TTBK1: variants seen among roughly 807,000 people sequenced by gnomAD.
The protein encoded by TTBK1 is tau-tubulin kinase 1.
Under a neutral mutation model 108.5 loss-of-function variants are expected in TTBK1, and 34 were observed. That is an observed-to-expected ratio of 0.31 (90% CI 0.24 to 0.42). The LOEUF (loss-of-function observed/expected upper bound fraction) is 0.42, where lower values mean the gene tolerates loss of function less well. Among genes scored for constraint, TTBK1 ranks in the 10% least tolerant of loss-of-function variants. The probability of loss-of-function intolerance (pLI) is 1.00; values close to 1 mark genes in which losing one functional copy is unlikely to be tolerated. For synonymous variants in TTBK1, 809 were observed against 795.1 expected, an observed-to-expected ratio of 1.02 and a Z score of -0.29; for missense variants, 1,539 against 1,826.0, an observed-to-expected ratio of 0.84 and a Z score of 2.86.
intron 13 of TTBK1, among the ~76,000 whole-genome samples, chr6:43,264,345 T>TGCACTCCAGCCTGGGTGACA (rs1777623149): frequency 6.6e-6 from 1 of 152,142 alleles, no homozygotes; most frequent in Non-Finnish European, 1.5e-5. Flanking sequence ...ACTGTGCCAT[T>TGCACTCCAGCCTGGGTGACA]GCACTCCAGC....
At chr6:43,284,944 T>C in intron 14 of TTBK1, 39 bp from the exon 15 acceptor site, 2 of 1,494,598 alleles carry the variant, frequency 1.3e-6, no homozygotes, top group Non-Finnish European at 1.8e-6. Context: ...TTTTGTTTCT[T>C]TGCCCTCTTC....
intron 13 of TTBK1, among the ~76,000 whole-genome samples, chr6:43,275,284 C>G (rs58537733): frequency 6.6e-6 from 1 of 151,672 alleles, no homozygotes; most frequent in African/African-American, 2.4e-5. Flanking sequence ...CCCTGCACCC[C>G]CCGCCGGACT....
At position 43,257,748 on chromosome 6, in the gene TTBK1, C is replaced by T; in HGVS notation, c.862-64C>T. The stretch of plus-strand genomic sequence containing the variant: ...CTTCCTCCTATGATCCCAGCAACTG[C>T]CCCTTCCTCCTGGCTAGCCCCCGGA... On this transcript the variant is annotated intron_variant, in intron 9 of 14. Transcript: ENST00000259750. The surrounding 1 kb of genome is among the most constrained non-coding windows in gnomAD (Gnocchi z 4.5). The T allele has an allele frequency of 6.5e-7, 1 of 1,540,274 alleles. No individual in the cohort carries two copies. Among genetic ancestry groups the T allele is most frequent in the Non-Finnish European group, 8.8e-7 (1 of 1,131,118 alleles).
Position 43,285,195 on chromosome 6 carries a change from C to G in TTBK1, c.3785C>G (p.Pro1262Arg), listed in dbSNP as rs574746821. Reference sequence around the variant, plus strand: ...CTGTCCCGCAGAGAGAGCCCCTCCCCCTCGCACCAGGCCCGGCCCGGGGTC... The same window carrying G: ...CTGTCCCGCAGAGAGAGCCCCTCCCGCTCGCACCAGGCCCGGCCCGGGGTC... ...QSLSRRESPS[P>R]SHQARPGVPP... The change falls in exon 15 of 15, where the codon CCC (proline) becomes CGC (arginine). Residue 1262 changes from proline to arginine, a missense_variant. Pro to Arg is a moderately radical substitution (Grantham distance 103). Transcript: ENST00000259750. This position sits in a 1 kb window ranked among gnomAD's most constrained non-coding sequence, Gnocchi z 4.7. 5.7e-3 allele frequency: 7,697 copies of G among 1,358,898 alleles called. 34 individuals are homozygous for G. The highest frequency in any genetic ancestry group is 6.7e-3 in the Non-Finnish European group (7,086 of 1,061,612). 84.2% of individuals were successfully genotyped at this position (1,358,898 alleles called of 1,614,324 possible).
At chr6:43,270,205 G>T (rs866329083) in intron 13 of TTBK1, 41 of 1,319,350 alleles carry the variant, frequency 3.1e-5, no homozygotes, top group South Asian at 6.5e-5. Flanking sequence ...TGGGGCTGGT[G>T]GTACAGTTTC....
intron 2 of TTBK1, among the ~76,000 whole-genome samples, chr6:43,248,579 C>A (rs534332695): frequency 6.6e-6 from 1 of 152,088 alleles, no homozygotes; most frequent in Admixed American, 6.6e-5. Context: ...AAAAATTAGC[C>A]GGGTGTGGCA....
rs190849642 is a variant in TTBK1, at chr6:43,276,184, T to C, written c.1987-6543T>C. ...GTCCTTCCCTCGACCCCCCATTTTGTACTGCAATAATACTGTATTATACGC... is the reference window on the plus strand; with the variant it reads ...GTCCTTCCCTCGACCCCCCATTTTGCACTGCAATAATACTGTATTATACGC... On this transcript the variant is annotated intron_variant, in intron 13 of 14. Coordinates refer to ENST00000259750, the MANE Select transcript of TTBK1 (RefSeq NM_032538.3). The surrounding 1 kb of genome is among the most constrained non-coding windows in gnomAD (Gnocchi z 5.4). 1.3e-5 allele frequency among the ~76,000 whole-genome samples: 2 copies of C among 152,286 alleles called. No individual in the cohort carries two copies. The highest frequency in any genetic ancestry group is 2.4e-5 in the African/African-American group (1 of 41,554).
rs1483563023 is a variant in TTBK1, at chr6:43,282,882, G to A, written c.2142G>A (p.Leu714=). ...GGAGGGTGGGCTTCTCGCACATGCT[G>A]CTCACCACCCCCCAGGTCCCACTGG... ...RVRRVGFSHM[L]LTTPQVPLAP... The change falls in exon 14 of 15, where the codon CTG becomes CTA. Residue 714 remains leucine (L), a synonymous_variant. Transcript: ENST00000259750. This position sits in a 1 kb window ranked among gnomAD's most constrained non-coding sequence, Gnocchi z 5.4. 1 of 1,614,026 alleles carries A rather than the reference G, an allele frequency of 6.2e-7. No individual in the cohort carries two copies. Among genetic ancestry groups the A allele is most frequent in the Non-Finnish European group, 8.5e-7 (1 of 1,179,982 alleles).
chr6:43,282,808 A>C lies in TTBK1; in HGVS notation c.2068A>C (p.Arg690=). The C allele has an allele frequency of 1.9e-6, 3 of 1,614,010 alleles. No homozygotes were observed. Among genetic ancestry groups the C allele is most frequent in the Non-Finnish European group, 8.5e-7 (1 of 1,179,970 alleles). ...PLSLPYQDFK[R]DLSDYRERAR... ...GAGTCTGCCCTACCAGGACTTCAAA[A>C]GAGACCTCTCCGATTACCGAGAACG... is the stretch of plus-strand genomic sequence containing the variant. The change falls in exon 14 of 15, where the codon AGA becomes CGA. Residue 690 remains arginine (R), a synonymous_variant. Transcript: ENST00000259750. This position sits in a 1 kb window ranked among gnomAD's most constrained non-coding sequence, Gnocchi z 5.4.
chr6:43,269,434 A>AG lies in TTBK1; in HGVS notation c.1986+6089dup, dbSNP rs1345552012. Reference sequence around the variant, plus strand: ...GTGAGAAGTTCCAGAGAGAAGGAGGAGGGGGAAGGGCGTTGGAGGCCAGAG... The same window carrying AG: ...GTGAGAAGTTCCAGAGAGAAGGAGGAGGGGGGAAGGGCGTTGGAGGCCAGAG... On this transcript the variant is annotated intron_variant, in intron 13 of 14. Transcript: ENST00000259750. This position sits in a 1 kb window ranked among gnomAD's most constrained non-coding sequence, Gnocchi z 4.8. Among the ~76,000 whole-genome samples the AG allele has an allele frequency of 6.6e-6, 1 of 152,110 alleles. No individual in the cohort carries two copies. Among genetic ancestry groups the AG allele is most frequent in the Non-Finnish European group, 1.5e-5 (1 of 68,016 alleles).
Position 43,266,041 on chromosome 6 carries a change from G to A in TTBK1, c.1986+2691G>A, listed in dbSNP as rs544692012. Among the ~76,000 whole-genome samples the A allele has an allele frequency of 3.3e-5, 5 of 152,278 alleles. No homozygotes were observed. In the South Asian group the frequency reaches 1.0e-3, roughly 32 times the overall value. On this transcript the variant is annotated intron_variant, in intron 13 of 14. Coordinates refer to ENST00000259750, the MANE Select transcript of TTBK1 (RefSeq NM_032538.3). ...ATTCTGTAATCAGTCTCGGGCTCGG[G>A]TCCTGCTTGTGACAGGGACTGGCAC...
intron 12 of TTBK1, among the ~76,000 whole-genome samples, chr6:43,261,390 G>A (rs1163251541): frequency 6.6e-6 from 1 of 152,148 alleles, no homozygotes; most frequent in Non-Finnish European, 1.5e-5. Flanking sequence ...GCATTTGAGA[G>A]AGGGCGATTC....
chr6:43,285,228 C>T lies in TTBK1; in HGVS notation c.3818C>T (p.Pro1273Leu). The change falls in exon 15 of 15, where the codon CCC (proline) becomes CTC (leucine). Residue 1273 changes from proline to leucine, a missense_variant. Pro to Leu is a moderately conservative substitution (Grantham distance 98). Transcript: ENST00000259750. This position sits in a 1 kb window ranked among gnomAD's most constrained non-coding sequence, Gnocchi z 4.7. ...CAGGCCCGGCCCGGGGTCCCCCCGC[C>T]CCGGGGCGTCCCGCCGGCCCGGGCC... is the stretch of plus-strand genomic sequence containing the variant. ...SHQARPGVPP[P>L]RGVPPARAQP... The T allele has an allele frequency of 3.1e-6, 4 of 1,303,270 alleles. No individual in the cohort carries two copies. The highest frequency in any genetic ancestry group is 3.9e-6 in the Non-Finnish European group (4 of 1,029,316). The allele number at this position is 1,303,270 out of a possible 1,614,324, so 80.7% of individuals were successfully genotyped here.
At position 43,269,089 on chromosome 6, in the gene TTBK1, C is replaced by T. The variant is rs1423772117; in HGVS notation, c.1986+5739C>T. Among the ~76,000 whole-genome samples the T allele has an allele frequency of 6.6e-6, 1 of 152,162 alleles. No individual in the cohort carries two copies. Among genetic ancestry groups the T allele is most frequent in the Admixed American group, 6.5e-5 (1 of 15,276 alleles). On this transcript the variant is annotated intron_variant, in intron 13 of 14. Transcript: ENST00000259750. This position sits in a 1 kb window ranked among gnomAD's most constrained non-coding sequence, Gnocchi z 4.8. ...AAGTGGTGGAGTTGGGATTCAAACA[C>T]GAGTAATTGGGCTCTAGAGTACCAC...
chr6:43,258,517 G>C (rs12202445), intron 10 of TTBK1, among the ~76,000 whole-genome samples: 36,857 of 151,870 alleles, frequency 0.24, 4,675 homozygotes, highest in East Asian at 0.36. Flanking sequence ...CTTAACAGGA[G>C]TTGGTAGCAC....
chr6:43,248,735 T>C (rs1777163561), intron 2 of TTBK1, among the ~76,000 whole-genome samples: 1 of 151,916 alleles, frequency 6.6e-6, no homozygotes, highest in African/African-American at 2.4e-5. Flanking sequence ...AATAAATAAA[T>C]AAATCCTCAA....
Position 43,262,876 on chromosome 6 carries a change from T to C in TTBK1, c.1512T>C (p.Ala504=), listed in dbSNP as rs559687853. 1 of 1,613,158 alleles carries C rather than the reference T, an allele frequency of 6.2e-7. No homozygotes were observed. Among genetic ancestry groups the C allele is most frequent in the South Asian group, 1.1e-5 (1 of 90,950 alleles). ...AQMLSVDTGH[A]DRQASGRMDV... ...TGCTGTCAGTGGACACAGGCCACGC[T>C]GACCGACAGGCCAGTGGCCGCATGG... Residue 504 remains alanine (A), a synonymous_variant, in exon 13 of 15, where the codon GCT becomes GCC. Transcript: ENST00000259750.
chr6:43,246,781 C>A lies in TTBK1; in HGVS notation c.108+13C>A. 1 of 1,599,130 alleles carries A rather than the reference C, an allele frequency of 6.3e-7. No individual in the cohort carries two copies. Among genetic ancestry groups the A allele is most frequent in the Non-Finnish European group, 8.5e-7 (1 of 1,170,960 alleles). ...TCGCTGGAAGGTGGTGAGTGAGTGACCCGGCGGGACAGAGGGAGGGTAGCG... is the reference window on the plus strand; with the variant it reads ...TCGCTGGAAGGTGGTGAGTGAGTGAACCGGCGGGACAGAGGGAGGGTAGCG... On this transcript the variant is annotated intron_variant, in intron 2 of 14. Coordinates refer to ENST00000259750, the MANE Select transcript of TTBK1 (RefSeq NM_032538.3).
chr6:43,256,116 T>C (rs1461673582), intron 9 of TTBK1, among the ~76,000 whole-genome samples: 1 of 151,778 alleles, frequency 6.6e-6, no homozygotes, highest in African/African-American at 2.4e-5. Flanking sequence ...TGATGATGAA[T>C]GCTCCTTATA....
Sources: gnomAD v4.1 joint callset for allele counts (sites outside exome capture counted in the v4.1 genomes callset) on GRCh38, gnomAD v4.1.1 for gene constraint, Gnocchi (gnomAD v3.1) non-coding constraint, MANE v1.5 for transcripts, NCBI Gene and HGNC (gene_info 2026-07-23, HGNC 2026-07-21) for gene names.